GYPC: variants seen among roughly 807,000 people sequenced by gnomAD.
GYPC encodes glycophorin C (Gerbich blood group), also known as glycophorin-C.
Under a neutral mutation model 12.6 loss-of-function variants are expected in GYPC, and 14 were observed. That is an observed-to-expected ratio of 1.11 (90% CI 0.74 to 1.74). The LOEUF (loss-of-function observed/expected upper bound fraction) is 1.74, where lower values mean the gene tolerates loss of function less well. Ranked by LOEUF, GYPC falls within the 40% of genes most tolerant of loss-of-function variation. The pLI, the probability that GYPC is intolerant of heterozygous loss-of-function variation, is 0.00. For missense variants in GYPC, 225 were observed against 172.1 expected (o/e 1.31, Z -1.72); for synonymous variants, 78 against 62.1 (o/e 1.26, Z -1.20).
intron 2 of GYPC, among the ~76,000 whole-genome samples, chr2:126,693,463 A>T (rs34686083): frequency 5.3e-5 from 8 of 152,070 alleles, no homozygotes; most frequent in African/African-American, 1.7e-4. Context: ...GCAACACAAA[A>T]TGGACTGAGA....
rs1041406294 is a variant in GYPC, at chr2:126,686,507, G to C, written c.50-3748G>C. 1.3e-5 allele frequency: 13 copies of C among 985,364 alleles called. No individual in the cohort carries two copies. In the African/African-American group the frequency reaches 2.3e-4, roughly 17 times the overall value. 61.0% of individuals were successfully genotyped at this position (985,364 alleles called of 1,614,324 possible). On this transcript the variant is annotated intron_variant, in intron 1 of 3. Coordinates refer to ENST00000259254, the MANE Select transcript of GYPC (RefSeq NM_002101.5). ...CTCCACAAAGATGAGCATAGTGAAG[G>C]CTGCAGTTTAGTTGGTTCGTGGTTC...
intron 1 of GYPC, among the ~76,000 whole-genome samples, chr2:126,683,421 C>T (rs1683202746): frequency 6.6e-6 from 1 of 152,222 alleles, no homozygotes; most frequent in South Asian, 2.1e-4. Flanking sequence ...GGCAACTCCA[C>T]CTTGCTCAGC....
rs28387194 is a variant in GYPC at position 126,688,637 on chromosome 2, G to A, written c.50-1618G>A. Reference sequence around the variant, plus strand: ...CCCAGAGTTCACTGGGTCTCTTGGCGGCCTCAGTGCCTTGTATTATCTTCT... The same window carrying A: ...CCCAGAGTTCACTGGGTCTCTTGGCAGCCTCAGTGCCTTGTATTATCTTCT... On this transcript the variant is annotated intron_variant, in intron 1 of 3. Transcript: ENST00000259254. 8.3e-4 allele frequency among the ~76,000 whole-genome samples: 127 copies of A among 152,180 alleles called. 1 individual carries two copies. The highest frequency in any genetic ancestry group is 2.9e-3 in the African/African-American group (120 of 41,508).
intron 1 of GYPC, chr2:126,675,501 C>A (rs1210783244): frequency 1.3e-5 from 2 of 158,980 alleles, no homozygotes; most frequent in Admixed American, 6.5e-5. Flanking sequence ...ATACCCAGAC[C>A]CTTGTCTCTG....
intron 1 of GYPC, 65 bp downstream of exon 1, chr2:126,656,377 G>C (rs1377478215): frequency 9.9e-6 from 14 of 1,417,640 alleles, no homozygotes; most frequent in Non-Finnish European, 1.3e-5. Context: ...CAGCAGCCAG[G>C]GGCCGAGCCA....
intron 1 of GYPC, among the ~76,000 whole-genome samples, chr2:126,672,650 C>T (rs1043652522): frequency 2.0e-5 from 3 of 152,152 alleles, no homozygotes; most frequent in Admixed American, 6.5e-5. Context: ...CTGGAGGCAT[C>T]AGCCTCAGAG....
intron 1 of GYPC, among the ~76,000 whole-genome samples, chr2:126,664,215 T>G (rs930812687): frequency 9.8e-5 from 15 of 152,300 alleles, no homozygotes; most frequent in Admixed American, 9.2e-4. Flanking sequence ...AGTCTTTTTT[T>G]TTTCTTTGTC....
Position 126,690,302 on chromosome 2 carries a change from A to C in GYPC, c.97A>C (p.Thr33Pro). ...TGCCTCCACCACAATGCATACTACC[A>C]CCATTGCAGGTGAGTTCTCATCACA... ...ASASTTMHTT[T>P]IAEPDPGMSG... The change falls in exon 2 of 4, where the codon ACC becomes CCC. Residue 33 changes from threonine (T) to proline (P), a missense_variant. Thr to Pro is a conservative substitution (Grantham distance 38). Coordinates refer to ENST00000259254, the MANE Select transcript of GYPC (RefSeq NM_002101.5). The C allele has an allele frequency of 6.2e-7, 1 of 1,610,168 alleles. No individual in the cohort carries two copies. The highest frequency in any genetic ancestry group is 8.5e-7 in the Non-Finnish European group (1 of 1,176,464).
chr2:126,686,490 A>G (rs1331997401), intron 1 of GYPC: 9 of 985,432 alleles, frequency 9.1e-6, no homozygotes, highest in Non-Finnish European at 1.1e-5. Context: ...AACTCCACAA[A>G]GATGAGCATA....
chr2:126,695,309 CAGAGTGCTT>C (rs2104812149), intron 3 of GYPC, among the ~76,000 whole-genome samples: 1 of 152,108 alleles, frequency 6.6e-6, no homozygotes, highest in South Asian at 2.1e-4. Flanking sequence ...AACGTGTCTG[CAGAGTGCTT>C]AGAGTGGTTA....
At chr2:126,684,757 C>A (rs751680465) in intron 1 of GYPC, among the ~76,000 whole-genome samples, 1 of 152,212 alleles carries the variant, frequency 6.6e-6, no homozygotes, top group African/African-American at 2.4e-5. Flanking sequence ...CAATTATGAG[C>A]ATCCCCATTG....
chr2:126,662,161 T>C (rs1682551530), intron 1 of GYPC, among the ~76,000 whole-genome samples: 1 of 152,194 alleles, frequency 6.6e-6, no homozygotes. Context: ...TGAGCACATG[T>C]ATTCTCAGCA....
chr2:126,690,107 G>A, intron 1 of GYPC, 148 bp from the exon 2 acceptor site: 1 of 719,090 alleles, frequency 1.4e-6, no homozygotes. Flanking sequence ...CCTGCTAGGA[G>A]TCGGTGGGTG....
chr2:126,672,752 G>C (rs368773197), intron 1 of GYPC, among the ~76,000 whole-genome samples: 1 of 152,162 alleles, frequency 6.6e-6, no homozygotes, highest in African/African-American at 2.4e-5. Context: ...GTGGATAAGG[G>C]AGGTCTCGAC....
At position 126,691,623 on chromosome 2, in the gene GYPC, C is replaced by G. The variant is rs149328651; in HGVS notation, c.106+1312C>G. ...TTTTTCCCCCTGTATAGTGTACATA[C>G]AGCAACCAGCTCTGCCCTGTTTTCT... On this transcript the variant is annotated intron_variant, in intron 2 of 3. Transcript: ENST00000259254. Among the ~76,000 whole-genome samples the G allele has an allele frequency of 3.7e-4, 57 of 152,282 alleles. 1 individual carries two copies. Among genetic ancestry groups the G allele is most frequent in the Middle Eastern group, 3.4e-3 (1 of 292 alleles).
At chr2:126,671,604 G>A (rs139354478) in intron 1 of GYPC, among the ~76,000 whole-genome samples, 7 of 152,310 alleles carry the variant, frequency 4.6e-5, no homozygotes, top group East Asian at 3.9e-4. Context: ...GAGCTCAACC[G>A]TGGTCTCCTG....
At chr2:126,679,779 C>T (rs1480286878) in intron 1 of GYPC, 1 of 152,204 alleles carries the variant, frequency 6.6e-6, no homozygotes. Flanking sequence ...GAGGCTGAGG[C>T]AGGAGAATCG....
In GYPC at chr2:126,690,286, C is replaced by T. The variant is rs748180086; in HGVS notation, c.81C>T (p.Thr27=). 2 of 1,612,738 alleles carry T rather than the reference C, an allele frequency of 1.2e-6. No individual in the cohort carries two copies. Among genetic ancestry groups the T allele is most frequent in the South Asian group, 1.1e-5 (1 of 91,050 alleles). The change falls in exon 2 of 4, where the codon ACC becomes ACT. Residue 27 remains threonine (T), a synonymous_variant. Transcript: ENST00000259254. ...EPDPGMASAS[T]TMHTTTIAEP... is the part of the protein sequence containing the mutation. ...ATCCGGGGATGGCCTCTGCCTCCAC[C>T]ACAATGCATACTACCACCATTGCAG...
At chr2:126,677,313 G>A (rs1683020146) in intron 1 of GYPC, among the ~76,000 whole-genome samples, 1 of 150,842 alleles carries the variant, frequency 6.6e-6, no homozygotes, top group Non-Finnish European at 1.5e-5. Context: ...GTGAGTGTGT[G>A]TGAGAATGTG....
Sources: gnomAD v4.1 joint callset for allele counts (sites outside exome capture counted in the v4.1 genomes callset) on GRCh38, gnomAD v4.1.1 for gene constraint, MANE v1.5 for transcripts, NCBI Gene and HGNC (gene_info 2026-07-23, HGNC 2026-07-21) for gene names.